Variants in RBPJ observed in about 807,000 individuals in gnomAD.
The protein encoded by RBPJ is recombining binding protein suppressor of hairless.
A neutral mutation model predicts 67.8 loss-of-function variants in RBPJ; 9 were observed. The ratio of observed to expected loss-of-function variants is 0.13; its 90% CI spans 0.08 to 0.23. The LOEUF is 0.23. Among genes scored for constraint, RBPJ ranks in the 10% least tolerant of loss-of-function variants. The pLI is 1.00. For synonymous variants in RBPJ, 198 were observed against 203.3 expected (o/e 0.97, Z 0.22); for missense variants, 305 against 595.6 (o/e 0.51, Z 5.08).
At chr4:26,109,460 C>CTCTCTCTCTCTCTCTATATA in the RBPJ span, among the ~76,000 whole-genome samples, 1 of 14,690 alleles carries the variant, frequency 6.8e-5, no homozygotes, top group Non-Finnish European at 1.2e-4. Context: ...CTCTCTCTCT[C>CTCTCTCTCTCTCTCTATATA]TATATATATA....
At chr4:26,275,111 C>T (rs1211579650) in intron 1 of RBPJ, among the ~76,000 whole-genome samples, 2 of 152,070 alleles carry the variant, frequency 1.3e-5, no homozygotes, top group East Asian at 3.8e-4. Flanking sequence ...GTCATCGTCC[C>T]TATTTCATAA....
intron 1 of RBPJ, among the ~76,000 whole-genome samples, chr4:26,270,361 GAAAGAAAGAA>G (rs1247579241): frequency 3.4e-4 from 6 of 17,568 alleles, no homozygotes; most frequent in Admixed American, 6.6e-4. Flanking sequence ...GCAAGAGAAA[GAAAGAAAGAA>G]AGAAAGAAAG....
In RBPJ at chr4:26,205,454, C is replaced by T. The variant is rs543129066; in HGVS notation, c.-167+41840C>T. On this transcript the variant is annotated intron_variant, in intron 1 of 4. Coordinates refer to the RBPJ transcript ENST00000512351. The stretch of plus-strand genomic sequence containing the variant: ...ATTGCCCTCTCCTTGCCCCACCGCA[C>T]AGTCCTACATTGCTGCAGTTGTCAA... Among the ~76,000 whole-genome samples, 4 of 152,272 alleles carry T rather than the reference C, an allele frequency of 2.6e-5. No individual in the cohort carries two copies. The South Asian group carries it at 8.3e-4, about 32-fold the overall frequency.
At chr4:26,295,119 A>G (rs985186772) in intron 1 of RBPJ, among the ~76,000 whole-genome samples, 9 of 152,180 alleles carry the variant, frequency 5.9e-5, no homozygotes, top group African/African-American at 2.2e-4. Context: ...AAAACATTTC[A>G]GCAGGGAAAT....
chr4:26,245,203 A>ATTTTTTTTTTTTTTTTTT (rs869234645), intron 1 of RBPJ, among the ~76,000 whole-genome samples: 1 of 98,402 alleles, frequency 1.0e-5, no homozygotes, highest in African/African-American at 4.0e-5. Context: ...TCACTATTGT[A>ATTTTTTTTTTTTTTTTTT]TTTTTTTTTT....
chr4:26,180,352 A>G (rs1274708659), intron 1 of RBPJ, among the ~76,000 whole-genome samples: 1 of 152,076 alleles, frequency 6.6e-6, no homozygotes, highest in African/African-American at 2.4e-5. Context: ...AAAAAGAAAG[A>G]AAGTAGGAGA....
At chr4:26,215,274 A>AGAGGGG (rs1174307685) in intron 1 of RBPJ, among the ~76,000 whole-genome samples, 3 of 83,848 alleles carry the variant, frequency 3.6e-5, no homozygotes, top group Non-Finnish European at 6.4e-5. Flanking sequence ...GGAGGGAGGA[A>AGAGGGG]AAAGAGAGAG....
chr4:26,232,648 CA>C (rs1560221303), intron 1 of RBPJ, among the ~76,000 whole-genome samples: 2 of 152,276 alleles, frequency 1.3e-5, no homozygotes, highest in African/African-American at 4.8e-5. Flanking sequence ...TTCTCTATAA[CA>C]ACAACAACGA....
At chr4:26,173,541 T>C (rs1050496540) in intron 1 of RBPJ, among the ~76,000 whole-genome samples, 1 of 152,162 alleles carries the variant, frequency 6.6e-6, no homozygotes. Flanking sequence ...CACTGACCTA[T>C]GTGAAATTTT....
chr4:26,400,408 T>A (rs1732651381), intron 2 of RBPJ, among the ~76,000 whole-genome samples: 1 of 152,214 alleles, frequency 6.6e-6, no homozygotes, highest in Non-Finnish European at 1.5e-5. Flanking sequence ...AGAAAATGAT[T>A]TTGCCCAGGA....
At chr4:26,341,121 G>A (rs892692553) in intron 1 of RBPJ, among the ~76,000 whole-genome samples, 1 of 152,272 alleles carries the variant, frequency 6.6e-6, no homozygotes, top group Non-Finnish European at 1.5e-5. Context: ...TGGTGGCAAC[G>A]TAATGCTAAA....
chr4:26,155,666 C>T, the RBPJ span, among the ~76,000 whole-genome samples: 2 of 152,132 alleles, frequency 1.3e-5, no homozygotes, highest in East Asian at 3.9e-4. Flanking sequence ...AGCTCCTGAC[C>T]TCAAGTGATC....
the RBPJ span, among the ~76,000 whole-genome samples, chr4:26,108,568 ACT>A: frequency 1.3e-5 from 2 of 152,190 alleles, no homozygotes; most frequent in African/African-American, 4.8e-5. Flanking sequence ...AGTTTGCCTG[ACT>A]CTCTGCATTT....
In RBPJ at chr4:26,243,406, G is replaced by A. The variant is rs1252007280; in HGVS notation, c.-167+79792G>A. On this transcript the variant is annotated intron_variant, in intron 1 of 4. Transcript: ENST00000512351. ...AATGATAGAATTTGAGCTTTCAAGA[G>A]AAAAGTAGAATTGTGGATTGCTTGT... Among the ~76,000 whole-genome samples the A allele has an allele frequency of 2.0e-5, 3 of 152,184 alleles. No homozygotes were observed. In the East Asian group the frequency reaches 5.8e-4, roughly 29 times the overall value.
intron 1 of RBPJ, among the ~76,000 whole-genome samples, chr4:26,179,258 T>A (rs1716898740): frequency 6.6e-6 from 1 of 151,306 alleles, no homozygotes; most frequent in Non-Finnish European, 1.5e-5. Context: ...GCTTGAGATC[T>A]GGCTGCATTT....
intron 1 of RBPJ, among the ~76,000 whole-genome samples, chr4:26,275,190 G>A (rs906131576): frequency 6.6e-6 from 1 of 152,122 alleles, no homozygotes; most frequent in Non-Finnish European, 1.5e-5. Flanking sequence ...AGTGAGAGAC[G>A]GCATCAAGGT....
the RBPJ span, among the ~76,000 whole-genome samples, chr4:26,121,580 C>T: frequency 1.3e-5 from 2 of 152,068 alleles, no homozygotes; most frequent in Non-Finnish European, 2.9e-5. Context: ...GACACTGCCT[C>T]TTTATAGCCT....
At chr4:26,241,723 G>A (rs1719643786) in intron 1 of RBPJ, among the ~76,000 whole-genome samples, 1 of 151,962 alleles carries the variant, frequency 6.6e-6, no homozygotes, top group Admixed American at 6.6e-5. Context: ...TGTTGGCCAG[G>A]CTGGTCTCAA....
intron 3 of RBPJ, among the ~76,000 whole-genome samples, chr4:26,410,835 T>C (rs1449309255): frequency 6.6e-6 from 1 of 152,224 alleles, no homozygotes; most frequent in Admixed American, 6.5e-5. Flanking sequence ...TGAAACAGTC[T>C]CTGAAAATAA....
Sources: allele counts gnomAD v4.1 joint callset (sites outside exome capture counted in the v4.1 genomes callset), GRCh38; gene constraint gnomAD v4.1.1; transcripts MANE v1.5; gene names NCBI Gene and HGNC (gene_info 2026-07-23, HGNC 2026-07-21).